Variants in GLCE observed in about 807,000 individuals in gnomAD.
GLCE encodes the protein glucuronic acid epimerase.
A neutral mutation model predicts 47.9 loss-of-function variants in GLCE; 19 were observed. The ratio of observed to expected loss-of-function variants is 0.40; its 90% CI spans 0.28 to 0.58. GLCE has a LOEUF of 0.58. Among genes scored for constraint, GLCE ranks in the 20% least tolerant of loss-of-function variants. GLCE has a pLI of 0.48. For synonymous variants in GLCE, 245 were observed against 263.4 expected, an observed-to-expected ratio of 0.93 and a Z score of 0.68; for missense variants, 556 against 743.3, an observed-to-expected ratio of 0.75 and a Z score of 2.93.
chr15:69,255,898 GT>G lies in GLCE; in HGVS notation c.94del (p.Ser32ProfsTer34). On this transcript the variant is annotated frameshift_variant, in exon 3 of 5. Transcript: ENST00000261858. LOFTEE classifies it high-confidence loss of function. Reference protein sequence around the residue: ...TLVTVLLWNKCSSDKAIQFPR... With the variant: ...TLVTVLLWNKXSSDKAIQFPR... Reference sequence around the variant, plus strand: ...GTCACAGTACTTTTGTGGAATAAGTGTTCCAGTGACAAAGCAATCCAGTTTC... The same window carrying G: ...GTCACAGTACTTTTGTGGAATAAGTGTCCAGTGACAAAGCAATCCAGTTTC... 1 of 1,613,982 alleles carries G rather than the reference GT, an allele frequency of 6.2e-7. No individual in the cohort carries two copies. Among genetic ancestry groups the G allele is most frequent in the Non-Finnish European group, 8.5e-7 (1 of 1,179,902 alleles).
chr15:69,226,549 G>A (rs888570523), intron 2 of GLCE, among the ~76,000 whole-genome samples: 2 of 152,222 alleles, frequency 1.3e-5, no homozygotes, highest in Admixed American at 1.3e-4. Context: ...GGAGTCTTAA[G>A]AGTAAAGCTC....
chr15:69,264,145 GATCAAC>G (rs1236479072), intron 4 of GLCE, among the ~76,000 whole-genome samples: 2 of 152,010 alleles, frequency 1.3e-5, no homozygotes, highest in Non-Finnish European at 2.9e-5. Flanking sequence ...TGTACCCTTT[GATCAAC>G]ATCTCCCCAT....
chr15:69,225,620 A>T (rs746172446), intron 2 of GLCE, among the ~76,000 whole-genome samples: 2 of 152,200 alleles, frequency 1.3e-5, no homozygotes, highest in Non-Finnish European at 1.5e-5. Context: ...CCTGTAAATT[A>T]TGTGTAAATT....
At chr15:69,166,908 C>CAAA (rs34522584) in intron 1 of GLCE, among the ~76,000 whole-genome samples, 14 of 42,470 alleles carry the variant, frequency 3.3e-4, no homozygotes, top group African/African-American at 1.3e-3. Context: ...GACTCTGTCT[C>CAAA]AAAAAAAAAA....
At chr15:69,245,948 C>T (rs566651877) in intron 2 of GLCE, among the ~76,000 whole-genome samples, 4 of 152,242 alleles carry the variant, frequency 2.6e-5, no homozygotes, top group South Asian at 2.1e-4. Flanking sequence ...AGGCTGCTCT[C>T]GAACTCCTTA....
rs542557275 is a variant in GLCE, at chr15:69,244,401, A to G, written c.-13-11393A>G. Among the ~76,000 whole-genome samples, 5 of 152,328 alleles carry G rather than the reference A, an allele frequency of 3.3e-5. No individual in the cohort carries two copies. In the South Asian group the frequency reaches 1.0e-3, roughly 32 times the overall value. On this transcript the variant is annotated intron_variant, in intron 2 of 4. Coordinates refer to ENST00000261858, the MANE Select transcript of GLCE (RefSeq NM_015554.3). ...TTAGAACAACTAGATAACTTTTCCT[A>G]AAATTATGTTTACCTGTGTGAACTG...
chr15:69,266,407 G>C (rs2053087091), intron 4 of GLCE, among the ~76,000 whole-genome samples: 1 of 151,778 alleles, frequency 6.6e-6, no homozygotes, highest in Admixed American at 6.6e-5. Flanking sequence ...GCTTACTTCA[G>C]CCTTAAACTC....
At chr15:69,184,426 A>G (rs1016047011) in intron 1 of GLCE, among the ~76,000 whole-genome samples, 1 of 152,184 alleles carries the variant, frequency 6.6e-6, no homozygotes. Context: ...TATTTCTAGA[A>G]TTTTTTCACC....
chr15:69,223,610 G>A (rs1288324233), intron 2 of GLCE, among the ~76,000 whole-genome samples: 1 of 152,140 alleles, frequency 6.6e-6, no homozygotes, highest in Non-Finnish European at 1.5e-5. Context: ...TTATACTCGT[G>A]TCTTTCATCA....
chr15:69,272,188 AG>A lies in GLCE; in HGVS notation c.*2945del, dbSNP rs1369344692. On this transcript the variant is annotated 3_prime_UTR_variant, in exon 5 of 5. Coordinates refer to ENST00000261858, the MANE Select transcript of GLCE (RefSeq NM_015554.3). ...GCCGCTTTATAAAACTGTAAAATAA[AG>A]TTTTTTTCTTAAAAAGAATATACCT... is the stretch of plus-strand genomic sequence containing the variant. 6.6e-6 allele frequency: 1 copy of A among 152,626 alleles called. No homozygotes were observed. The highest frequency in any genetic ancestry group is 1.5e-5 in the Non-Finnish European group (1 of 68,030). The allele number at this position is 152,626 out of a possible 1,614,324, so 9.5% of individuals were successfully genotyped here. A position where few individuals can be genotyped will look rare whatever the true frequency, so the allele number is the denominator to read the frequency against.
intron 3 of GLCE, among the ~76,000 whole-genome samples, chr15:69,260,257 T>TTC (rs1566972088): frequency 2.6e-4 from 36 of 140,668 alleles, no homozygotes; most frequent in African/African-American, 8.2e-4. Context: ...AACTGGTTTT[T>TTC]TTTTTTTTTT....
At position 69,188,063 on chromosome 15, in the gene GLCE, C is replaced by CA. The variant is rs2051853158; in HGVS notation, c.-104-22247dup. Among the ~76,000 whole-genome samples the CA allele has an allele frequency of 1.5e-4, 23 of 151,724 alleles. No individual in the cohort carries two copies. The South Asian group carries it at 4.8e-3, about 32-fold the overall frequency. On this transcript the variant is annotated intron_variant, in intron 1 of 4. Transcript: ENST00000261858. ...TGGGTGACAGAGCGAGACTCCATCT[C>CA]AAAAAACAAAAAACAACAACAACAA...
intron 2 of GLCE, 75 bp from the exon 3 acceptor site, chr15:69,255,719 A>AG: frequency 1.1e-6 from 1 of 878,414 alleles, no homozygotes; most frequent in South Asian, 1.9e-5. Flanking sequence ...AAAAAAAAAA[A>AG]AGCAAAGAAA....
Position 69,171,542 on chromosome 15 carries a change from G to A in GLCE, c.-105+10785G>A, listed in dbSNP as rs186446816. Among the ~76,000 whole-genome samples the A allele has an allele frequency of 8.0e-4, 122 of 151,830 alleles. 2 individuals are homozygous for A. The East Asian group carries it at 8.9e-3, about 11-fold the overall frequency. ...CTCCTGAGTAGCTGGGATTACAGGC[G>A]CCTGCCACCATGCCCGGCCAATTTT... On this transcript the variant is annotated intron_variant, in intron 1 of 4. Coordinates refer to ENST00000261858, the MANE Select transcript of GLCE (RefSeq NM_015554.3).
At chr15:69,174,625 A>C (rs2140332868) in intron 1 of GLCE, among the ~76,000 whole-genome samples, 1 of 152,212 alleles carries the variant, frequency 6.6e-6, no homozygotes, top group East Asian at 1.9e-4. Context: ...ACAAAACAAA[A>C]CAAAACAAAA....
chr15:69,176,624 A>G (rs2051669878), intron 1 of GLCE, among the ~76,000 whole-genome samples: 2 of 152,190 alleles, frequency 1.3e-5, no homozygotes, highest in Non-Finnish European at 2.9e-5. Flanking sequence ...ACATATTTAT[A>G]ACATTAACTT....
Position 69,207,618 on chromosome 15 carries a change from A to G in GLCE, c.-104-2698A>G, listed in dbSNP as rs1205776736. Among the ~76,000 whole-genome samples the G allele has an allele frequency of 2.6e-5, 4 of 152,220 alleles. No homozygotes were observed. In the East Asian group the frequency reaches 5.8e-4, roughly 22 times the overall value. ...TCATTTCTGCATAGTATTTTATTGT[A>G]TAGGAATACCACAGTTTGTTTATCC... On this transcript the variant is annotated intron_variant, in intron 1 of 4. Coordinates refer to ENST00000261858, the MANE Select transcript of GLCE (RefSeq NM_015554.3).
At chr15:69,164,207 C>T (rs933483281) in intron 1 of GLCE, among the ~76,000 whole-genome samples, 2 of 151,970 alleles carry the variant, frequency 1.3e-5, no homozygotes, top group African/African-American at 4.8e-5. Flanking sequence ...GTGAAGCATA[C>T]GAACCATACA....
intron 1 of GLCE, among the ~76,000 whole-genome samples, chr15:69,178,129 G>C (rs1231736406): frequency 2.0e-5 from 3 of 152,004 alleles, no homozygotes; most frequent in East Asian, 3.9e-4. Flanking sequence ...TAGGTCACAG[G>C]GTAGGTATCT....
Sources: gnomAD v4.1 joint callset for allele counts (sites outside exome capture counted in the v4.1 genomes callset) on GRCh38, gnomAD v4.1.1 for gene constraint, MANE v1.5 for transcripts, NCBI Gene and HGNC (gene_info 2026-07-23, HGNC 2026-07-21) for gene names.